SEC24A: variants seen among roughly 807,000 people sequenced by gnomAD.
SEC24A encodes protein transport protein Sec24A.
In SEC24A, 93 loss-of-function variants were observed where a neutral mutation model predicts 129.4. The observed-to-expected ratio is 0.72, with a 90% CI of 0.61 to 0.85. SEC24A has a LOEUF of 0.85. SEC24A is among the 40% of genes least tolerant of loss of function. The pLI is 0.00. For synonymous variants in SEC24A, 460 were observed against 467.3 expected, an observed-to-expected ratio of 0.98 and a Z score of 0.20; for missense variants, 1,264 against 1,307.4, an observed-to-expected ratio of 0.97 and a Z score of 0.51.
chr5:134,684,302 CA>C (rs577777007), intron 9 of SEC24A, among the ~76,000 whole-genome samples: 8,873 of 90,718 alleles, frequency 0.098, 476 homozygotes, highest in African/African-American at 0.2. Flanking sequence ...AACTCCATCT[CA>C]AAAAAAAAAA....
chr5:134,690,562 G>A lies in SEC24A; in HGVS notation c.1724-2040G>A, dbSNP rs577818331. 1.1e-3 allele frequency among the ~76,000 whole-genome samples: 168 copies of A among 152,154 alleles called. 2 individuals carry two copies. The highest frequency in any genetic ancestry group is 3.3e-3 in the African/African-American group (137 of 41,534). On this transcript the variant is annotated intron_variant, in intron 11 of 22. Transcript: ENST00000398844. Reference sequence around the variant, plus strand: ...ACTCCTGGCCTTAGGCAGTCCTTTCGCCTCATCCTCCCAAAGTGTTGAGAG... The same window carrying A: ...ACTCCTGGCCTTAGGCAGTCCTTTCACCTCATCCTCCCAAAGTGTTGAGAG...
rs988241197 is a variant in SEC24A, at chr5:134,648,955, C to G, written c.-122C>G. On this transcript the variant is annotated 5_prime_UTR_variant, in exon 1 of 23. Coordinates refer to ENST00000398844, the MANE Select transcript of SEC24A (RefSeq NM_021982.3). Reference sequence around the variant, plus strand: ...TGCCTCGGGCTTAATGCGCCCCCCCCTCTTCTCCCAGTCTTCAGTCTTAAG... The same window carrying G: ...TGCCTCGGGCTTAATGCGCCCCCCCGTCTTCTCCCAGTCTTCAGTCTTAAG... The G allele has an allele frequency of 6.7e-5, 44 of 655,688 alleles. No individual in the cohort carries two copies. Among genetic ancestry groups the G allele is most frequent in the Non-Finnish European group, 8.9e-5 (34 of 383,730 alleles). The allele number at this position is 655,688 out of a possible 1,614,324, so 40.6% of individuals were successfully genotyped here.
In SEC24A at chr5:134,649,026, C is replaced by A; in HGVS notation, c.-51C>A. ...CTTTCAGCAGTGGTCTTTCAGCTCTCTTCTTGTGCGCTGTTGTCGACCCCG... is the reference window on the plus strand; with the variant it reads ...CTTTCAGCAGTGGTCTTTCAGCTCTATTCTTGTGCGCTGTTGTCGACCCCG... On this transcript the variant is annotated 5_prime_UTR_variant, in exon 1 of 23. Coordinates refer to ENST00000398844, the MANE Select transcript of SEC24A (RefSeq NM_021982.3). The A allele has an allele frequency of 7.3e-7, 1 of 1,378,776 alleles. No homozygotes were observed. The highest frequency in any genetic ancestry group is 1.2e-5 in the South Asian group (1 of 81,712). The allele number at this position is 1,378,776 out of a possible 1,614,324, so 85.4% of individuals were successfully genotyped here.
intron 8 of SEC24A, 120 bp from the exon 9 acceptor site, chr5:134,682,253 A>G: frequency 1.8e-6 from 1 of 569,616 alleles, no homozygotes; most frequent in Non-Finnish European, 3.1e-6. Flanking sequence ...AAAAAAAAAA[A>G]AGAAAATAAT....
At chr5:134,660,996 T>C (rs765970528) in intron 1 of SEC24A, 123 bp from the exon 2 acceptor site, 71 of 746,060 alleles carry the variant, frequency 9.5e-5, no homozygotes, top group Non-Finnish European at 1.5e-4. Context: ...TTAAGTCCTT[T>C]GCTTATTTTT....
chr5:134,662,374 T>C (rs976110350), intron 2 of SEC24A, among the ~76,000 whole-genome samples: 1 of 152,066 alleles, frequency 6.6e-6, no homozygotes, highest in Non-Finnish European at 1.5e-5. Context: ...CAGGATGGTC[T>C]CGATCTCCTG....
In SEC24A at chr5:134,661,294, G is replaced by T; in HGVS notation, c.273G>T (p.Val91=). The T allele has an allele frequency of 6.2e-7, 1 of 1,614,124 alleles. No homozygotes were observed. Among genetic ancestry groups the T allele is most frequent in the Non-Finnish European group, 8.5e-7 (1 of 1,180,020 alleles). Reference sequence around the variant, plus strand: ...GGCAGACTCTTAATAGACCACCTGTGGCCTCTAATCCAGTGACACCTTCGC... The same window carrying T: ...GGCAGACTCTTAATAGACCACCTGTTGCCTCTAATCCAGTGACACCTTCGC... ...GSGQTLNRPP[V]ASNPVTPSLH... Residue 91 remains valine (V), a synonymous_variant, in exon 2 of 23, where the codon GTG becomes GTT. Transcript: ENST00000398844.
rs1752677589 is a variant in SEC24A, at chr5:134,723,447, A to G, written c.3064-120A>G. On this transcript the variant is annotated intron_variant, in intron 21 of 22. Coordinates refer to ENST00000398844, the MANE Select transcript of SEC24A (RefSeq NM_021982.3). ...CCACTGCACTCCAGCCTGTCAACAG[A>G]GGCCTTGTCTCAAAAAAGAAAAAAA... 1.2e-5 allele frequency: 7 copies of G among 600,574 alleles called. No homozygotes were observed. The Admixed American group carries it at 1.8e-4, about 16-fold the overall frequency. The allele number at this position is 600,574 out of a possible 1,614,324, so 37.2% of individuals were successfully genotyped here. A position where few individuals can be genotyped will look rare whatever the true frequency, so the allele number is the denominator to read the frequency against.
intron 21 of SEC24A, among the ~76,000 whole-genome samples, chr5:134,722,869 C>A (rs1406933025): frequency 6.6e-6 from 1 of 151,876 alleles, no homozygotes; most frequent in Non-Finnish European, 1.5e-5. Flanking sequence ...TGTTAAAATT[C>A]AAGACCAGGC....
chr5:134,720,460 TG>T (rs1243939334), intron 20 of SEC24A, among the ~76,000 whole-genome samples: 1 of 152,244 alleles, frequency 6.6e-6, no homozygotes, highest in Non-Finnish European at 1.5e-5. Context: ...AGTGGATTCA[TG>T]GCAGTACATT....
At chr5:134,664,789 T>C (rs1394226840) in intron 2 of SEC24A, among the ~76,000 whole-genome samples, 1 of 124,286 alleles carries the variant, frequency 8.0e-6, no homozygotes, top group East Asian at 2.0e-4. Context: ...AATTTTTCTT[T>C]TTCTTTTTTT....
chr5:134,720,897 A>C, intron 20 of SEC24A, 101 bp from the exon 21 acceptor site: 1 of 592,886 alleles, frequency 1.7e-6, no homozygotes, highest in Non-Finnish European at 3.0e-6. Flanking sequence ...GTGAGACCCT[A>C]TCTCACAAAT....
At chr5:134,693,145 G>A in intron 12 of SEC24A, 3 of 1,534,816 alleles carry the variant, frequency 2.0e-6, no homozygotes, top group Non-Finnish European at 2.6e-6. Flanking sequence ...TGTCTACCCT[G>A]TACATGCATA....
chr5:134,680,770 G>A (rs1358396555), intron 8 of SEC24A, among the ~76,000 whole-genome samples: 2 of 151,996 alleles, frequency 1.3e-5, no homozygotes, highest in East Asian at 1.9e-4. Context: ...TCAGCCTCCC[G>A]AGAACACACC....
chr5:134,658,299 A>G (rs2150069934), intron 1 of SEC24A, among the ~76,000 whole-genome samples: 1 of 152,340 alleles, frequency 6.6e-6, no homozygotes, highest in East Asian at 1.9e-4. Flanking sequence ...ATATAATTCA[A>G]TTTTAAAACA....
chr5:134,683,520 T>C (rs1003120795), intron 9 of SEC24A, among the ~76,000 whole-genome samples: 3 of 152,172 alleles, frequency 2.0e-5, no homozygotes, highest in African/African-American at 4.8e-5. Flanking sequence ...GTTTAACGTT[T>C]ATTTCTTTTA....
At chr5:134,690,048 C>G (rs968524279) in intron 11 of SEC24A, among the ~76,000 whole-genome samples, 6 of 151,898 alleles carry the variant, frequency 4.0e-5, no homozygotes, top group South Asian at 2.1e-4. Flanking sequence ...GATGGAGTTT[C>G]ACTTTTGTTG....
chr5:134,662,338 T>C (rs1206222925), intron 2 of SEC24A, among the ~76,000 whole-genome samples: 1 of 151,904 alleles, frequency 6.6e-6, no homozygotes, highest in Non-Finnish European at 1.5e-5. Context: ...GTATTTTTAG[T>C]AGAGACGGGG....
Position 134,649,159 on chromosome 5 carries a change from C to T in SEC24A, c.83C>T (p.Ser28Phe), listed in dbSNP as rs1749962128. 2.5e-6 allele frequency: 4 copies of T among 1,607,370 alleles called. No homozygotes were observed. Among genetic ancestry groups the T allele is most frequent in the African/African-American group, 1.3e-5 (1 of 74,538 alleles). Residue 28 changes from serine to phenylalanine, a missense_variant, in exon 1 of 23, where the codon TCT (serine) becomes TTT (phenylalanine). By Grantham distance (155) the Ser-to-Phe change is radical. Transcript: ENST00000398844. ...AQNGAALASG[S>F]PYTNGPVQNA... ...AACGGAGCCGCCTTGGCCTCGGGGT[C>T]TCCCTACACCAACGGTGAGTGCTGT...
Sources: gnomAD v4.1 joint callset for allele counts (sites outside exome capture counted in the v4.1 genomes callset) on GRCh38, gnomAD v4.1.1 for gene constraint, MANE v1.5 for transcripts, NCBI Gene and HGNC (gene_info 2026-07-23, HGNC 2026-07-21) for gene names.